The following PATJ variants were observed in gnomAD, a reference collection of about 807,000 sequenced individuals.
PATJ encodes the protein inaD-like protein.
Under a neutral mutation model 224.9 loss-of-function variants are expected in PATJ, and 190 were observed. The observed-to-expected ratio is 0.84, with a 90% confidence interval of 0.75 to 0.95. The LOEUF is 0.95. PATJ is among the 40% of genes least tolerant of loss of function. PATJ has a pLI of 0.00. For missense variants in PATJ, 2,121 were observed against 2,270.3 expected, an observed-to-expected ratio of 0.93 and a Z score of 1.34; for synonymous variants, 769 against 820.3, an observed-to-expected ratio of 0.94 and a Z score of 1.07.
intron 17 of PATJ, among the ~76,000 whole-genome samples, chr1:61,849,376 C>T (rs1662462996): frequency 1.3e-5 from 2 of 151,870 alleles, no homozygotes; most frequent in South Asian, 4.2e-4. Context: ...TGGGAGGATC[C>T]CTTAGCCCAG....
At chr1:61,991,619 T>G (rs1244571960) in intron 28 of PATJ, 1 of 985,338 alleles carries the variant, frequency 1.0e-6, no homozygotes, top group Non-Finnish European at 1.2e-6. Context: ...TTCTCCCCAC[T>G]TAAAACCTGT....
chr1:62,141,567 C>A (rs1006247510), intron 41 of PATJ, among the ~76,000 whole-genome samples: 1 of 151,812 alleles, frequency 6.6e-6, no homozygotes. Context: ...CCCAGCTACT[C>A]GGGAGGCTGA....
intron 24 of PATJ, among the ~76,000 whole-genome samples, chr1:61,906,045 C>T (rs1450866764): frequency 1.3e-5 from 2 of 152,198 alleles, no homozygotes; most frequent in Non-Finnish European, 2.9e-5. Flanking sequence ...ACCTATACTT[C>T]TGACCAACTG....
intron 7 of PATJ, among the ~76,000 whole-genome samples, chr1:61,781,097 G>A (rs1647244237): frequency 1.3e-5 from 2 of 152,174 alleles, no homozygotes; most frequent in South Asian, 4.1e-4. Context: ...CTAGGTTACA[G>A]CAGCTAGGTG....
chr1:61,778,966 T>G (rs988079237), intron 7 of PATJ, among the ~76,000 whole-genome samples: 2 of 152,194 alleles, frequency 1.3e-5, no homozygotes, highest in Non-Finnish European at 2.9e-5. Flanking sequence ...CCCAAAGTGC[T>G]AGGATTACAG....
At chr1:62,137,239 A>T (rs956364140) in intron 41 of PATJ, among the ~76,000 whole-genome samples, 1 of 151,580 alleles carries the variant, frequency 6.6e-6, no homozygotes, top group East Asian at 2.0e-4. Flanking sequence ...AAGAGAGTAC[A>T]TGAAAATAAA....
chr1:62,062,684 T>TG (rs1346136749), intron 31 of PATJ, among the ~76,000 whole-genome samples: 3 of 151,528 alleles, frequency 2.0e-5, no homozygotes, highest in African/African-American at 7.3e-5. Context: ...TTTGTAGAGA[T>TG]GGGGGTCTCA....
chr1:62,026,647 G>T (rs1373640244), intron 29 of PATJ, among the ~76,000 whole-genome samples: 1 of 152,118 alleles, frequency 6.6e-6, no homozygotes, highest in African/African-American at 2.4e-5. Flanking sequence ...TATTTTGTTG[G>T]CATAAAATGA....
At chr1:61,747,203 G>C (rs1645065986) in intron 1 of PATJ, among the ~76,000 whole-genome samples, 2 of 151,942 alleles carry the variant, frequency 1.3e-5, no homozygotes, top group South Asian at 4.1e-4. Context: ...TTCTTCCTTA[G>C]GGTTTTGTGT....
chr1:61,928,058 T>C (rs998097963), intron 27 of PATJ, among the ~76,000 whole-genome samples: 1 of 152,214 alleles, frequency 6.6e-6, no homozygotes, highest in Non-Finnish European at 1.5e-5. Flanking sequence ...ACACTATTTT[T>C]CCTATATTCC....
chr1:62,116,482 A>G (rs1193820672), intron 35 of PATJ, 50 bp from the exon 36 acceptor site: 3 of 1,600,244 alleles, frequency 1.9e-6, no homozygotes, highest in East Asian at 2.2e-5. Flanking sequence ...CGTATTATGC[A>G]TGGAAATATT....
At chr1:61,750,152 A>C (rs1645240547) in intron 1 of PATJ, among the ~76,000 whole-genome samples, 1 of 152,222 alleles carries the variant, frequency 6.6e-6, no homozygotes, top group South Asian at 2.1e-4. Context: ...AAGCTGCCTC[A>C]TAGTTCAAAG....
intron 25 of PATJ, 122 bp from the exon 26 acceptor site, chr1:61,914,464 GA>G (rs376030978): frequency 1.4e-4 from 67 of 485,694 alleles, no homozygotes; most frequent in Non-Finnish European, 2.3e-4. Flanking sequence ...CTCAGAAAAA[GA>G]AAAAAACAGA....
chr1:61,840,313 A>G (rs1660878321), intron 17 of PATJ, among the ~76,000 whole-genome samples: 1 of 152,044 alleles, frequency 6.6e-6, no homozygotes, highest in Admixed American at 6.5e-5. Flanking sequence ...AAATGTTTTA[A>G]AAATAGGTAA....
intron 13 of PATJ, among the ~76,000 whole-genome samples, chr1:61,805,917 G>GT (rs1250894326): frequency 6.6e-6 from 1 of 152,162 alleles, no homozygotes; most frequent in Non-Finnish European, 1.5e-5. Context: ...AAAGGACTGT[G>GT]GATATTAGTC....
chr1:62,030,829 CA>C (rs1649116905), intron 29 of PATJ, among the ~76,000 whole-genome samples: 1 of 152,040 alleles, frequency 6.6e-6, no homozygotes. Flanking sequence ...GAGATTTATC[CA>C]TGTCGTGTTT....
chr1:62,017,729 CAAAAAAA>C (rs58692636), intron 28 of PATJ, 120 bp from the exon 29 acceptor site: 3 of 321,152 alleles, frequency 9.3e-6, no homozygotes, highest in East Asian at 5.0e-5. Context: ...GAGACTGTCT[CAAAAAAA>C]AAAAAAAAAA....
At chr1:61,804,271 T>C (rs1213808465) in intron 12 of PATJ, among the ~76,000 whole-genome samples, 1 of 152,162 alleles carries the variant, frequency 6.6e-6, no homozygotes, top group African/African-American at 2.4e-5. Context: ...TTTAATAGGA[T>C]CTTTGGTTAG....
At chr1:61,873,324 T>G (rs1194356152) in intron 20 of PATJ, among the ~76,000 whole-genome samples, 1 of 152,108 alleles carries the variant, frequency 6.6e-6, no homozygotes, top group Non-Finnish European at 1.5e-5. Flanking sequence ...CACACCGCTA[T>G]GCCTGGCTAG....
Sources: gnomAD v4.1 joint callset for allele counts (sites outside exome capture counted in the v4.1 genomes callset) on GRCh38, gnomAD v4.1.1 for gene constraint, MANE v1.5 for transcripts, NCBI Gene and HGNC (gene_info 2026-07-23, HGNC 2026-07-21) for gene names.